The following DEPDC1B variants were observed in gnomAD, a reference collection of about 807,000 sequenced individuals.
The protein encoded by DEPDC1B is DEP domain containing 1B, also known as DEP domain-containing protein 1B.
Under a neutral mutation model 66.5 loss-of-function variants are expected in DEPDC1B, and 51 were observed. That is an observed-to-expected ratio of 0.77 (90% CI 0.61 to 0.97). The LOEUF is 0.97. Ranked by LOEUF, DEPDC1B falls within the 50% of genes least tolerant of loss-of-function variation. DEPDC1B has a pLI of 0.00. For synonymous variants in DEPDC1B, 226 were observed against 223.6 expected (o/e 1.01, Z -0.10); for missense variants, 552 against 637.1 (o/e 0.87, Z 1.44).
rs1367130371 is a variant in DEPDC1B at position 60,610,733 on chromosome 5, G to A, written c.899-4877C>T. Among the ~76,000 whole-genome samples the A allele has an allele frequency of 1.8e-4, 27 of 152,274 alleles. No individual in the cohort carries two copies. The East Asian group carries it at 5.2e-3, about 29-fold the overall frequency. The stretch of plus-strand genomic sequence containing the variant: ...TGTAATTCAGAAAGCCTCTGTCACA[G>A]TTATTACTCTGTGAGTCACTGGAAG... On this transcript the variant is annotated intron_variant, in intron 7 of 10. Coordinates refer to ENST00000265036, the MANE Select transcript of DEPDC1B (RefSeq NM_018369.3).
At position 60,633,047 on chromosome 5, in the gene DEPDC1B, G is replaced by A. The variant is rs115666867; in HGVS notation, c.898+5703C>T. Among the ~76,000 whole-genome samples, 664 of 152,286 alleles carry A rather than the reference G, an allele frequency of 4.4e-3. 5 individuals are homozygous for A. Among genetic ancestry groups the A allele is most frequent in the African/African-American group, 0.014 (582 of 41,554 alleles). Reference sequence around the variant, plus strand: ...TGCTGTGTGCCAGCTGCTGTGCCAAGCTCTTTGTGTGTATCTGAACTTCAC... The same window carrying A: ...TGCTGTGTGCCAGCTGCTGTGCCAAACTCTTTGTGTGTATCTGAACTTCAC... On this transcript the variant is annotated intron_variant, in intron 7 of 10. Transcript: ENST00000265036.
chr5:60,691,461 G>A (rs750120138), intron 1 of DEPDC1B, among the ~76,000 whole-genome samples: 2 of 151,926 alleles, frequency 1.3e-5, no homozygotes, highest in African/African-American at 2.4e-5. Flanking sequence ...TTATTCTTAC[G>A]TTAATCTTTC....
chr5:60,619,613 C>T (rs947209243), intron 7 of DEPDC1B, among the ~76,000 whole-genome samples: 1 of 152,186 alleles, frequency 6.6e-6, no homozygotes, highest in Non-Finnish European at 1.5e-5. Context: ...AGGAGAACTA[C>T]AAACCACTGC....
At chr5:60,612,517 T>C (rs896491077) in intron 7 of DEPDC1B, among the ~76,000 whole-genome samples, 2 of 135,714 alleles carry the variant, frequency 1.5e-5, no homozygotes, top group Non-Finnish European at 3.1e-5. Context: ...AGCCCACTGT[T>C]GAGATCTGCT....
At chr5:60,602,437 A>C (rs982851073) in intron 9 of DEPDC1B, among the ~76,000 whole-genome samples, 1 of 152,116 alleles carries the variant, frequency 6.6e-6, no homozygotes, top group Non-Finnish European at 1.5e-5. Flanking sequence ...TTATTTTTGT[A>C]ATACCTCAGA....
At chr5:60,632,053 C>T (rs1752936542) in intron 7 of DEPDC1B, among the ~76,000 whole-genome samples, 1 of 152,326 alleles carries the variant, frequency 6.6e-6, no homozygotes, top group Non-Finnish European at 1.5e-5. Context: ...CTCTCCAAAG[C>T]TGTTGGAAAT....
intron 9 of DEPDC1B, among the ~76,000 whole-genome samples, chr5:60,600,954 T>A (rs1235149363): frequency 6.6e-6 from 1 of 152,186 alleles, no homozygotes; most frequent in Non-Finnish European, 1.5e-5. Context: ...CACAGGGTGG[T>A]TCCCCCCATG....
intron 2 of DEPDC1B, among the ~76,000 whole-genome samples, chr5:60,656,647 A>G (rs1753584286): frequency 6.6e-6 from 1 of 152,214 alleles, no homozygotes; most frequent in Non-Finnish European, 1.5e-5. Flanking sequence ...ACTTACAATC[A>G]TGGCAGAAGG....
intron 7 of DEPDC1B, among the ~76,000 whole-genome samples, chr5:60,619,404 C>G (rs1421745099): frequency 6.6e-6 from 1 of 152,134 alleles, no homozygotes; most frequent in African/African-American, 2.4e-5. Flanking sequence ...CGTCTCAGCC[C>G]AAAATCTCCT....
chr5:60,681,600 G>A (rs958632917), intron 2 of DEPDC1B, among the ~76,000 whole-genome samples: 39 of 152,032 alleles, frequency 2.6e-4, no homozygotes, highest in African/African-American at 9.2e-4. Context: ...CAATGAAAAG[G>A]CAAGGAAACA....
At chr5:60,634,770 A>G (rs1753005581) in intron 7 of DEPDC1B, among the ~76,000 whole-genome samples, 1 of 151,990 alleles carries the variant, frequency 6.6e-6, no homozygotes, top group African/African-American at 2.4e-5. Context: ...GCATTTCCCT[A>G]AATTTCCACC....
At chr5:60,655,075 T>A (rs771960516) in intron 2 of DEPDC1B, among the ~76,000 whole-genome samples, 32 of 149,078 alleles carry the variant, frequency 2.1e-4, no homozygotes, top group Non-Finnish European at 4.0e-4. Flanking sequence ...GGGATATTGG[T>A]CTATAGTTTT....
chr5:60,638,787 A>G lies in DEPDC1B; in HGVS notation c.861T>C (p.Leu287=). ...DYYGHLKEPL[L]TFHLFDAFVS... The stretch of plus-strand genomic sequence containing the variant: ...CAAAAGCATCAAAAAGATGAAATGT[A>G]AGTAGAGGCTCTTTCAAGTGACCAT... The change falls in exon 7 of 11, where the codon CTT becomes CTC. Residue 287 remains leucine (L), a synonymous_variant. Transcript: ENST00000265036. The G allele has an allele frequency of 6.2e-7, 1 of 1,611,706 alleles. No homozygotes were observed. Among genetic ancestry groups the G allele is most frequent in the Non-Finnish European group, 8.5e-7 (1 of 1,179,038 alleles).
chr5:60,690,696 G>A (rs930820022), intron 1 of DEPDC1B, among the ~76,000 whole-genome samples: 9 of 151,828 alleles, frequency 5.9e-5, no homozygotes, highest in Non-Finnish European at 8.8e-5. Context: ...TTTTTCTGAC[G>A]TCATCTTTTT....
intron 2 of DEPDC1B, chr5:60,647,877 T>G: frequency 6.4e-6 from 1 of 157,142 alleles, no homozygotes; most frequent in Non-Finnish European, 1.4e-5. Flanking sequence ...ACTTTTTATT[T>G]ACTTAAGCCA....
intron 2 of DEPDC1B, among the ~76,000 whole-genome samples, chr5:60,674,207 C>G (rs1275579199): frequency 6.6e-6 from 1 of 151,936 alleles, no homozygotes; most frequent in African/African-American, 2.4e-5. Context: ...AAGAAATCAG[C>G]AGGAACTATG....
intron 7 of DEPDC1B, among the ~76,000 whole-genome samples, chr5:60,608,269 T>A (rs1236375397): frequency 1.3e-5 from 2 of 152,120 alleles, no homozygotes; most frequent in Admixed American, 1.3e-4. Flanking sequence ...AAAATCCCTT[T>A]GCAAAGGCAG....
rs1402662305 is a variant in DEPDC1B at position 60,667,833 on chromosome 5, ATG to A, written c.314+19127_314+19128del. 1.6e-3 allele frequency among the ~76,000 whole-genome samples: 195 copies of A among 120,832 alleles called. 47 individuals carry two copies. Among genetic ancestry groups the A allele is most frequent in the African/African-American group, 4.3e-3 (127 of 29,474 alleles). The allele number at this position is 120,832 out of a possible 152,430, so 79.3% of individuals were successfully genotyped here. A position where few individuals can be genotyped will look rare whatever the true frequency, so the allele number is the denominator to read the frequency against. ...TATAAAAAATGGATATTTTACATAT[ATG>A]TAAAAAATGGATATTTTACATATAT... On this transcript the variant is annotated intron_variant, in intron 2 of 10. Coordinates refer to ENST00000265036, the MANE Select transcript of DEPDC1B (RefSeq NM_018369.3).
At chr5:60,679,948 GT>G (rs1049037364) in intron 2 of DEPDC1B, among the ~76,000 whole-genome samples, 2 of 152,176 alleles carry the variant, frequency 1.3e-5, no homozygotes, top group African/African-American at 2.4e-5. Flanking sequence ...CATTCTTGGT[GT>G]TTTGTTTAGA....
Sources: allele counts gnomAD v4.1 joint callset (sites outside exome capture counted in the v4.1 genomes callset), GRCh38; gene constraint gnomAD v4.1.1; transcripts MANE v1.5; gene names NCBI Gene and HGNC (gene_info 2026-07-23, HGNC 2026-07-21).